ABCB1: variants seen among roughly 807,000 people sequenced by gnomAD.
ABCB1 encodes the protein ATP binding cassette subfamily B member 1, also known as ATP-dependent translocase ABCB1.
ABCB1 carries 69 observed loss-of-function variants against 142.0 expected under a neutral mutation model. The observed-to-expected ratio is 0.49, with a 90% CI of 0.40 to 0.59. The LOEUF is 0.59. ABCB1 is among the 20% of genes least tolerant of loss of function. The pLI, the probability that ABCB1 is intolerant of heterozygous loss-of-function variation, is 0.00. For synonymous variants in ABCB1, 532 were observed against 539.2 expected, an observed-to-expected ratio of 0.99 and a Z score of 0.18; for missense variants, 1,326 against 1,554.7, an observed-to-expected ratio of 0.85 and a Z score of 2.47.
intron 8 of ABCB1, among the ~76,000 whole-genome samples, chr7:87,559,773 G>A (rs1563052482): frequency 6.6e-6 from 1 of 152,140 alleles, no homozygotes; most frequent in Non-Finnish European, 1.5e-5. Flanking sequence ...TCTGCAGATA[G>A]CAGTCAGGCC....
Position 87,513,024 on chromosome 7 carries a change from G to A in ABCB1, c.3282+2207C>T, listed in dbSNP as rs976029132. Among the ~76,000 whole-genome samples the A allele has an allele frequency of 9.9e-5, 15 of 152,234 alleles. No individual in the cohort carries two copies. In the South Asian group the frequency reaches 1.2e-3, roughly 13 times the overall value. On this transcript the variant is annotated intron_variant, in intron 25 of 27. Transcript: ENST00000622132. ...AGGGTCTACGAGGGAGATGCACAGT[G>A]TAAAATCTGGGAGGTAGACACCAGC...
chr7:87,540,984 G>C (rs1816508110), intron 18 of ABCB1, among the ~76,000 whole-genome samples: 1 of 152,076 alleles, frequency 6.6e-6, no homozygotes, highest in Non-Finnish European at 1.5e-5. Flanking sequence ...GTTTGTTGTT[G>C]CTTTTAGAAC....
rs962184676 is a variant in ABCB1, at chr7:87,520,681, G to T, written c.2786+95C>A. On this transcript the variant is annotated intron_variant, in intron 22 of 27. Transcript: ENST00000622132. ...TTACCTTCGAGCACTTTCTCCACTT[G>T]CTCCCTACCTTCTAGCCAAAGTAAT... 7.4e-6 allele frequency: 8 copies of T among 1,081,620 alleles called. No individual in the cohort carries two copies. In the African/African-American group the frequency reaches 7.7e-5, roughly 10 times the overall value. The allele number at this position is 1,081,620 out of a possible 1,614,324, so 67.0% of individuals were successfully genotyped here. A position where few individuals can be genotyped will look rare whatever the true frequency, so the allele number is the denominator to read the frequency against.
intron 1 of ABCB1, among the ~76,000 whole-genome samples, chr7:87,609,982 G>C (rs1277501370): frequency 6.6e-6 from 1 of 152,196 alleles, no homozygotes; most frequent in East Asian, 1.9e-4. Flanking sequence ...GCTAACGGTA[G>C]TGTAGAAACA....
intron 7 of ABCB1, chr7:87,563,290 G>A (rs1817647217): frequency 2.8e-6 from 1 of 356,246 alleles, no homozygotes; most frequent in Non-Finnish European, 5.7e-6. Context: ...TTAGGTGGAG[G>A]GACTCCTCTC....
chr7:87,524,015 A>T (rs1051294941), intron 21 of ABCB1, among the ~76,000 whole-genome samples: 4 of 152,194 alleles, frequency 2.6e-5, no homozygotes, highest in African/African-American at 4.8e-5. Context: ...TTTAATTTAG[A>T]GTGTTTTATA....
rs545231608 is a variant in ABCB1 at position 87,644,105 on chromosome 7, C to T, written c.-330-43027G>A. Among the ~76,000 whole-genome samples, 9 of 151,872 alleles carry T rather than the reference C, an allele frequency of 5.9e-5. No individual in the cohort carries two copies. In the South Asian group the frequency reaches 8.3e-4, roughly 14 times the overall value. ...AACTCCTGACCTCAGGTGATCCACC[C>T]GCCTTGGCCTCCCAAAGTGTTGGGA... On this transcript the variant is annotated intron_variant, in intron 1 of 28. Transcript: ENST00000265724.
chr7:87,572,540 A>C (rs915056515), intron 4 of ABCB1, among the ~76,000 whole-genome samples: 3 of 152,328 alleles, frequency 2.0e-5, no homozygotes, highest in Non-Finnish European at 4.4e-5. Context: ...AAAGTGTACC[A>C]GTCAAAATAA....
chr7:87,511,036 T>C (rs1033950824), intron 25 of ABCB1, among the ~76,000 whole-genome samples: 1 of 152,176 alleles, frequency 6.6e-6, no homozygotes, highest in Admixed American at 6.5e-5. Context: ...ACTGCCTAAC[T>C]AATATAATCA....
chr7:87,616,994 C>T (rs764132437), intron 1 of ABCB1, among the ~76,000 whole-genome samples: 3 of 152,048 alleles, frequency 2.0e-5, no homozygotes, highest in African/African-American at 7.2e-5. Context: ...GTTTGTGTGA[C>T]AAGGGGAGGA....
intron 5 of ABCB1, among the ~76,000 whole-genome samples, chr7:87,568,242 C>CAATAATAATAACAAT (rs1554435543): frequency 1.7e-4 from 23 of 135,956 alleles, no homozygotes; most frequent in Non-Finnish European, 3.1e-4. Flanking sequence ...AAAAATACGA[C>CAATAATAATAACAAT]AATAATAATA....
intron 1 of ABCB1, among the ~76,000 whole-genome samples, chr7:87,697,792 A>G (rs1028639643): frequency 3.3e-5 from 5 of 152,208 alleles, no homozygotes; most frequent in African/African-American, 1.2e-4. Context: ...AATTTACAGA[A>G]GAGGCCCAGA....
At chr7:87,680,503 A>G (rs1826816722) in intron 1 of ABCB1, among the ~76,000 whole-genome samples, 1 of 150,856 alleles carries the variant, frequency 6.6e-6, no homozygotes, top group Non-Finnish European at 1.5e-5. Context: ...TTAAGAAACT[A>G]AAAAAGGGGC....
intron 8 of ABCB1, among the ~76,000 whole-genome samples, chr7:87,555,333 C>T (rs180835596): frequency 1.0e-3 from 153 of 152,254 alleles, no homozygotes; most frequent in Non-Finnish European, 1.7e-3. Context: ...AATTCATGAA[C>T]TTACTTCCAT....
chr7:87,587,686 A>G (rs1269940131), intron 3 of ABCB1, among the ~76,000 whole-genome samples: 1 of 152,052 alleles, frequency 6.6e-6, no homozygotes, highest in African/African-American at 2.4e-5. Context: ...CCTGGCTAAC[A>G]CAGTGAAACC....
chr7:87,600,070 C>A, intron 2 of ABCB1, 47 bp downstream of exon 2: 2 of 1,526,130 alleles, frequency 1.3e-6, no homozygotes, highest in South Asian at 2.3e-5. Flanking sequence ...ATAAATTACT[C>A]AAATCTCGCA....
chr7:87,545,814 T>C, intron 15 of ABCB1, 49 bp downstream of exon 15: 1 of 1,580,776 alleles, frequency 6.3e-7, no homozygotes, highest in Non-Finnish European at 8.6e-7. Flanking sequence ...AAATGCAAAA[T>C]CAGTTTATCA....
chr7:87,522,208 C>G (rs1882477), intron 21 of ABCB1: 277,109 of 1,335,090 alleles, frequency 0.21, 36,034 homozygotes, highest in African/African-American at 0.58. Flanking sequence ...ATTTGGTAAT[C>G]ATGGAAGCAA....
intron 4 of ABCB1, among the ~76,000 whole-genome samples, chr7:87,578,337 G>A (rs1818358021): frequency 6.6e-6 from 1 of 152,156 alleles, no homozygotes; most frequent in South Asian, 2.1e-4. Flanking sequence ...ATAATTTGAA[G>A]TCAGGTAATG....
Sources: allele counts gnomAD v4.1 joint callset (sites outside exome capture counted in the v4.1 genomes callset), GRCh38; gene constraint gnomAD v4.1.1; transcripts MANE v1.5; gene names NCBI Gene and HGNC (gene_info 2026-07-23, HGNC 2026-07-21).